MYBPC1: variants seen among roughly 807,000 people sequenced by gnomAD.
The protein encoded by MYBPC1 is myosin-binding protein C, slow-type.
A neutral mutation model predicts 147.1 loss-of-function variants in MYBPC1; 52 were observed. That is an observed-to-expected ratio of 0.35 (90% CI 0.28 to 0.45). The LOEUF is 0.45. Among genes scored for constraint, MYBPC1 ranks in the 20% least tolerant of loss-of-function variants. MYBPC1 has a pLI of 1.00. For missense variants in MYBPC1, 1,228 were observed against 1,440.3 expected, an observed-to-expected ratio of 0.85 and a Z score of 2.39; for synonymous variants, 477 against 475.9, an observed-to-expected ratio of 1.00 and a Z score of -0.03.
intron 1 of MYBPC1, among the ~76,000 whole-genome samples, chr12:101,611,401 A>AGAT (rs1306459773): frequency 2.0e-5 from 3 of 151,636 alleles, no homozygotes; most frequent in Non-Finnish European, 4.4e-5. Flanking sequence ...TTAGTGCCCA[A>AGAT]GATGATTCTC....
Position 101,617,205 on chromosome 12 carries a change from C to A in MYBPC1, c.65C>A (p.Pro22Gln). The change falls in exon 3 of 32, where the codon CCA becomes CAA. Residue 22 changes from proline to glutamine, a missense_variant. By Grantham distance (76) the Pro-to-Gln change is moderately conservative. Transcript: ENST00000361466. The part of the protein sequence containing the change: ...VPAPAPPPEE[P>Q]SKEKEAGTTP... ...TATGCTTGTACTTTCTACACAGAAC[C>A]AAGTAAAGAGAAGGAGGCCGGAACT... The A allele has an allele frequency of 1.2e-6, 2 of 1,613,596 alleles. No individual in the cohort carries two copies. The highest frequency in any genetic ancestry group is 1.7e-6 in the Non-Finnish European group (2 of 1,179,798).
chr12:101,670,334 T>C lies in MYBPC1; in HGVS notation c.2538T>C (p.Ile846=), dbSNP rs1898370430. 1 of 1,613,790 alleles carries C rather than the reference T, an allele frequency of 6.2e-7. No individual in the cohort carries two copies. Among genetic ancestry groups the C allele is most frequent in the Non-Finnish European group, 8.5e-7 (1 of 1,179,814 alleles). ...LVKEIIEPPK[I]RIPRHLKQTY... ...ACCCTCTCTCAGAACCTCCAAAGAT[T>C]CGCATTCCAAGACACCTGAAGCAAA... The change falls in exon 24 of 32, where the codon ATT becomes ATC. Residue 846 remains isoleucine (I), a synonymous_variant. Transcript: ENST00000361466.
chr12:101,621,749 T>C (rs1295774809), intron 3 of MYBPC1, among the ~76,000 whole-genome samples: 2 of 152,234 alleles, frequency 1.3e-5, no homozygotes, highest in Non-Finnish European at 2.9e-5. Context: ...AGTTGCTTTA[T>C]GCCCAAGAGA....
At chr12:101,615,219 A>T (rs988631432) in intron 2 of MYBPC1, among the ~76,000 whole-genome samples, 1 of 152,228 alleles carries the variant, frequency 6.6e-6, no homozygotes, top group African/African-American at 2.4e-5. Context: ...AAATTAAAAG[A>T]TTAAAAGATT....
intron 18 of MYBPC1, among the ~76,000 whole-genome samples, chr12:101,657,666 G>A (rs1895769758): frequency 6.6e-6 from 1 of 152,112 alleles, no homozygotes; most frequent in Non-Finnish European, 1.5e-5. Flanking sequence ...ATCAGAAAAG[G>A]ATTATCTCTA....
At chr12:101,693,508 A>G in the MYBPC1 span, among the ~76,000 whole-genome samples, 12 of 152,136 alleles carry the variant, frequency 7.9e-5, no homozygotes, top group Non-Finnish European at 1.2e-4. Context: ...TAGGAGGTCA[A>G]AGCGGGAGGA....
In MYBPC1 at chr12:101,636,670, A is replaced by T; in HGVS notation, c.609-2A>T. On this transcript the variant is annotated splice_acceptor_variant, in intron 9 of 31. Coordinates refer to ENST00000361466, the MANE Select transcript of MYBPC1 (RefSeq NM_002465.4). LOFTEE classifies it high-confidence loss of function. Reference sequence around the variant, plus strand: ...GATTTGCTTTTCTTTTGTTAACGACAGTGGAGAAGGTCAAGAGGATGCAGG... The same window carrying T: ...GATTTGCTTTTCTTTTGTTAACGACTGTGGAGAAGGTCAAGAGGATGCAGG... 1 of 1,613,604 alleles carries T rather than the reference A, an allele frequency of 6.2e-7. No individual in the cohort carries two copies. The highest frequency in any genetic ancestry group is 8.5e-7 in the Non-Finnish European group (1 of 1,179,576).
chr12:101,615,675 C>A (rs998064152), intron 2 of MYBPC1, among the ~76,000 whole-genome samples: 4 of 105,250 alleles, frequency 3.8e-5, no homozygotes, highest in Admixed American at 9.5e-5. Context: ...CCCCCCCCGC[C>A]CCCCCACACC....
At chr12:101,610,524 G>A (rs1370822848) in intron 1 of MYBPC1, among the ~76,000 whole-genome samples, 1 of 152,102 alleles carries the variant, frequency 6.6e-6, no homozygotes, top group Non-Finnish European at 1.5e-5. Flanking sequence ...TTTCGTAGGT[G>A]TGTCCGAGTA....
chr12:101,676,756 GAA>G (rs757545386), intron 26 of MYBPC1, among the ~76,000 whole-genome samples: 5 of 147,144 alleles, frequency 3.4e-5, no homozygotes, highest in Non-Finnish European at 7.6e-5. Flanking sequence ...GTCTCAAAAA[GAA>G]AAAAAAAATA....
At chr12:101,688,115 C>T (rs1026871600), downstream of MYBPC1, among the ~76,000 whole-genome samples, 1 of 152,090 alleles carries the variant, frequency 6.6e-6, no homozygotes, top group East Asian at 1.9e-4. Flanking sequence ...TTTTGGGGAA[C>T]TAAACATTCA....
the MYBPC1 span, among the ~76,000 whole-genome samples, chr12:101,691,283 G>A: frequency 6.6e-6 from 1 of 152,052 alleles, no homozygotes; most frequent in Non-Finnish European, 1.5e-5. Context: ...TTTTGGCCAG[G>A]CTAGTCTCAA....
At chr12:101,634,974 A>C (rs1438359580) in intron 9 of MYBPC1, among the ~76,000 whole-genome samples, 2 of 152,194 alleles carry the variant, frequency 1.3e-5, no homozygotes, top group Admixed American at 1.3e-4. Flanking sequence ...CACGGCAGAA[A>C]ACTTTTATTT....
intron 1 of MYBPC1, 90 bp downstream of exon 1, chr12:101,595,185 C>G (rs1876702261): frequency 1.8e-6 from 2 of 1,141,578 alleles, no homozygotes; most frequent in Admixed American, 3.7e-5. Flanking sequence ...AATATCTTAA[C>G]TAGATGAGAA....
chr12:101,630,528 T>C (rs1372290147), intron 6 of MYBPC1, among the ~76,000 whole-genome samples: 3 of 152,334 alleles, frequency 2.0e-5, no homozygotes, highest in Non-Finnish European at 4.4e-5. Flanking sequence ...AGCCAGTGTC[T>C]GCTGACATTA....
chr12:101,684,493 A>G (rs1951231968), intron 31 of MYBPC1, 69 bp downstream of exon 31: 11 of 1,204,172 alleles, frequency 9.1e-6, no homozygotes, highest in Non-Finnish European at 1.3e-5. Context: ...CCTGTGGAGT[A>G]TGGCATGATT....
At chr12:101,691,481 G>A in the MYBPC1 span, among the ~76,000 whole-genome samples, 1 of 152,318 alleles carries the variant, frequency 6.6e-6, no homozygotes, top group African/African-American at 2.4e-5. Flanking sequence ...CTGCCTATAT[G>A]ACATGATTTA....
intron 22 of MYBPC1, among the ~76,000 whole-genome samples, chr12:101,664,217 A>T (rs1232909468): frequency 6.6e-6 from 1 of 152,226 alleles, no homozygotes; most frequent in Non-Finnish European, 1.5e-5. Context: ...GAAATAATAG[A>T]AAAAGAAAAA....
chr12:101,673,658 A>G, intron 25 of MYBPC1, 36 bp downstream of exon 25: 1 of 1,609,326 alleles, frequency 6.2e-7, no homozygotes, highest in Non-Finnish European at 8.5e-7. Context: ...AGTTCTGTCA[A>G]AGCAGTACAG....
Sources: gnomAD v4.1 joint callset for allele counts (sites outside exome capture counted in the v4.1 genomes callset) on GRCh38, gnomAD v4.1.1 for gene constraint, MANE v1.5 for transcripts, NCBI Gene and HGNC (gene_info 2026-07-23, HGNC 2026-07-21) for gene names.